NRXN3: variants seen among roughly 807,000 people sequenced by gnomAD.
The protein encoded by NRXN3 is neurexin III.
A neutral mutation model predicts 137.6 loss-of-function variants in NRXN3; 32 were observed. The ratio of observed to expected loss-of-function variants is 0.23; its 90% CI spans 0.18 to 0.31. The LOEUF is 0.31. Among genes scored for constraint, NRXN3 ranks in the 10% least tolerant of loss-of-function variants. The probability of loss-of-function intolerance (pLI) is 1.00; values close to 1 mark genes in which losing one functional copy is unlikely to be tolerated. For missense variants in NRXN3, 1,574 were observed against 2,062.5 expected (o/e 0.76, Z 4.59); for synonymous variants, 798 against 784.5 (o/e 1.02, Z -0.29).
chr14:78,969,261 G>T (rs1175350898), intron 14 of NRXN3, among the ~76,000 whole-genome samples: 3 of 152,102 alleles, frequency 2.0e-5, no homozygotes, highest in African/African-American at 7.2e-5. Flanking sequence ...AATTTTACAG[G>T]TCTTCCTGAA....
chr14:79,123,735 A>G (rs987594592), intron 15 of NRXN3, among the ~76,000 whole-genome samples: 2 of 152,196 alleles, frequency 1.3e-5, no homozygotes, highest in African/African-American at 2.4e-5. Context: ...AGGCTGGGAT[A>G]TAAGTCAGGG....
intron 15 of NRXN3, among the ~76,000 whole-genome samples, chr14:79,238,356 C>T (rs1476153968): frequency 6.6e-6 from 1 of 151,984 alleles, no homozygotes; most frequent in Non-Finnish European, 1.5e-5. Context: ...AACAGTTACC[C>T]ATCTATTTAT....
At chr14:79,723,146 G>T (rs1017525355) in intron 19 of NRXN3, among the ~76,000 whole-genome samples, 4 of 152,120 alleles carry the variant, frequency 2.6e-5, no homozygotes, top group Admixed American at 6.6e-5. Context: ...TGCCAACATA[G>T]TAGCTTGGAG....
At chr14:79,129,378 T>C (rs1334056546) in intron 15 of NRXN3, among the ~76,000 whole-genome samples, 3 of 150,868 alleles carry the variant, frequency 2.0e-5, no homozygotes, top group Non-Finnish European at 4.4e-5. Context: ...GTATGTTGTG[T>C]CTTTGTTCTC....
At chr14:79,087,888 T>C (rs1189001341) in intron 15 of NRXN3, among the ~76,000 whole-genome samples, 1 of 152,200 alleles carries the variant, frequency 6.6e-6, no homozygotes, top group African/African-American at 2.4e-5. Flanking sequence ...ATGCTTTCAG[T>C]TGCACTTGGA....
At chr14:79,315,441 A>T (rs1249242721) in intron 15 of NRXN3, among the ~76,000 whole-genome samples, 1 of 152,200 alleles carries the variant, frequency 6.6e-6, no homozygotes, top group Non-Finnish European at 1.5e-5. Flanking sequence ...AGAAACTATT[A>T]AAAAAGTTTA....
chr14:78,459,355 G>A (rs924899976), intron 4 of NRXN3, among the ~76,000 whole-genome samples: 1 of 152,194 alleles, frequency 6.6e-6, no homozygotes, highest in African/African-American at 2.4e-5. Flanking sequence ...TATTGGCAGA[G>A]CAAATGAGGT....
At chr14:79,340,321 G>C (rs1293887564) in intron 15 of NRXN3, among the ~76,000 whole-genome samples, 1 of 151,976 alleles carries the variant, frequency 6.6e-6, no homozygotes, top group Non-Finnish European at 1.5e-5. Context: ...GATAAAATTC[G>C]ATTTGTAATA....
chr14:78,988,088 G>A lies in NRXN3; in HGVS notation c.3209G>A (p.Gly1070Asp). 1 of 1,613,934 alleles carries A rather than the reference G, an allele frequency of 6.2e-7. No homozygotes were observed. The stretch of plus-strand genomic sequence containing the variant: ...GGGGTCTGCATGCAACAATGGGAGG[G>A]CTTCACCTGTGATTGTTCTATGACC... The part of the protein sequence containing the change: ...NQGVCMQQWE[G>D]FTCDCSMTSY... Residue 1070 changes from glycine to aspartate, a missense_variant, in exon 15 of 21, where the codon GGC becomes GAC. Transcript: ENST00000335750.
In NRXN3 at chr14:78,898,975, A is replaced by G. The variant is rs547085002; in HGVS notation, c.2276-58267A>G. On this transcript the variant is annotated intron_variant, in intron 10 of 20. Coordinates refer to ENST00000335750, the MANE Select transcript of NRXN3 (RefSeq NM_001330195.2). ...CCATCATGCTTCTTGGGAGAGAGAG[A>G]AAGAGCAGACTGGCTGGTCAGAACC... is the stretch of plus-strand genomic sequence containing the variant. Among the ~76,000 whole-genome samples the G allele has an allele frequency of 7.3e-4, 111 of 152,058 alleles. 1 individual carries two copies. The highest frequency in any genetic ancestry group is 3.4e-3 in the Middle Eastern group (1 of 294).
At chr14:79,108,200 G>C (rs2052810006) in intron 15 of NRXN3, among the ~76,000 whole-genome samples, 1 of 152,142 alleles carries the variant, frequency 6.6e-6, no homozygotes, top group Admixed American at 6.5e-5. Flanking sequence ...ATGTAAGGTA[G>C]CCCTGTATTT....
chr14:78,710,874 G>A (rs2098401425), intron 7 of NRXN3, among the ~76,000 whole-genome samples: 1 of 152,190 alleles, frequency 6.6e-6, no homozygotes, highest in African/African-American at 2.4e-5. Context: ...ATCTTTACTG[G>A]TTGTCTGAAA....
intron 4 of NRXN3, among the ~76,000 whole-genome samples, chr14:78,371,156 G>A (rs1410627622): frequency 6.6e-6 from 1 of 152,108 alleles, no homozygotes; most frequent in Non-Finnish European, 1.5e-5. Context: ...CTTCCCAAAT[G>A]CTACCTTTTT....
At chr14:78,825,196 C>A (rs1450709576) in intron 10 of NRXN3, among the ~76,000 whole-genome samples, 20 of 75,784 alleles carry the variant, frequency 2.6e-4, no homozygotes, top group African/African-American at 5.4e-4. Flanking sequence ...GACTCTGCCT[C>A]AAAAAAAAAA....
At chr14:79,034,377 C>CACACACACACACACACAT (rs2099612723) in intron 15 of NRXN3, among the ~76,000 whole-genome samples, 2 of 146,460 alleles carry the variant, frequency 1.4e-5, no homozygotes, top group Admixed American at 6.8e-5. Context: ...CACACACACA[C>CACACACACACACACACAT]AGGTTTTTTG....
intron 4 of NRXN3, among the ~76,000 whole-genome samples, chr14:78,336,083 C>T (rs1001129249): frequency 3.3e-5 from 5 of 152,178 alleles, no homozygotes; most frequent in African/African-American, 1.2e-4. Context: ...TGGGTCCCTC[C>T]TCCCCACCCC....
At chr14:79,086,018 A>C (rs1365763828) in intron 15 of NRXN3, among the ~76,000 whole-genome samples, 2 of 152,194 alleles carry the variant, frequency 1.3e-5, no homozygotes, top group Non-Finnish European at 2.9e-5. Flanking sequence ...TCCCTAAGGA[A>C]CAGGTGCAAA....
At chr14:78,796,693 A>C (rs2098822994) in intron 8 of NRXN3, among the ~76,000 whole-genome samples, 1 of 152,176 alleles carries the variant, frequency 6.6e-6, no homozygotes, top group African/African-American at 2.4e-5. Context: ...AGGTAATTAG[A>C]GTAAGACACA....
At chr14:79,349,897 G>C (rs899153438) in intron 15 of NRXN3, among the ~76,000 whole-genome samples, 1 of 152,116 alleles carries the variant, frequency 6.6e-6, no homozygotes, top group African/African-American at 2.4e-5. Context: ...GCTCTTAGAA[G>C]GAACCAATTT....
Sources: gnomAD v4.1 joint callset for allele counts (sites outside exome capture counted in the v4.1 genomes callset) on GRCh38, gnomAD v4.1.1 for gene constraint, MANE v1.5 for transcripts, NCBI Gene and HGNC (gene_info 2026-07-23, HGNC 2026-07-21) for gene names.